The following CAMKMT variants were observed in gnomAD, a reference collection of about 807,000 sequenced individuals.
The protein encoded by CAMKMT is CaM KMT.
CAMKMT carries 53 observed loss-of-function variants against 48.0 expected under a neutral mutation model. That is an observed-to-expected ratio of 1.10 (90% CI 0.89 to 1.39). The LOEUF (loss-of-function observed/expected upper bound fraction) is 1.39, where lower values mean the gene tolerates loss of function less well. Among genes scored for constraint, CAMKMT ranks in the 40% most tolerant of loss-of-function variants. CAMKMT has a pLI of 0.00. For synonymous variants in CAMKMT, 165 were observed against 152.3 expected (o/e 1.08, Z -0.61); for missense variants, 428 against 402.7 (o/e 1.06, Z -0.54).
chr2:44,549,724 C>T, intron 3 of CAMKMT: 1 of 520,924 alleles, frequency 1.9e-6, no homozygotes, highest in African/African-American at 2.0e-5. Context: ...AAGTCTCAGA[C>T]TTCAGTAAGT....
At chr2:44,735,767 G>T (rs371659587) in intron 7 of CAMKMT, among the ~76,000 whole-genome samples, 2 of 151,758 alleles carry the variant, frequency 1.3e-5, no homozygotes, top group African/African-American at 4.8e-5. Context: ...ACAAAAATTA[G>T]CCAGGCGTGG....
intron 3 of CAMKMT, among the ~76,000 whole-genome samples, chr2:44,584,760 A>T (rs1444936355): frequency 8.6e-5 from 13 of 151,892 alleles, no homozygotes; most frequent in African/African-American, 1.5e-4. Flanking sequence ...TGAAATAATT[A>T]AAAAAAATAG....
chr2:44,391,464 T>G (rs1485295378), intron 3 of CAMKMT, among the ~76,000 whole-genome samples: 3 of 152,158 alleles, frequency 2.0e-5, no homozygotes, highest in Non-Finnish European at 4.4e-5. Context: ...CACTTAGGTG[T>G]ATCTCATATT....
intron 6 of CAMKMT, among the ~76,000 whole-genome samples, chr2:44,714,002 C>T (rs140519926): frequency 2.0e-5 from 3 of 152,216 alleles, no homozygotes; most frequent in African/African-American, 7.2e-5. Context: ...TTTATGTAAA[C>T]CTGCCTTATT....
chr2:44,765,500 A>G (rs1680799987), intron 9 of CAMKMT, among the ~76,000 whole-genome samples: 1 of 151,040 alleles, frequency 6.6e-6, no homozygotes, highest in Admixed American at 6.6e-5. Flanking sequence ...TGAGAGTAAC[A>G]GAAGCATATA....
At chr2:44,547,241 T>C (rs1410402750) in intron 3 of CAMKMT, among the ~76,000 whole-genome samples, 1 of 152,200 alleles carries the variant, frequency 6.6e-6, no homozygotes, top group Admixed American at 6.5e-5. Context: ...AGCAGTCACT[T>C]GGAAATAAGC....
At chr2:44,605,297 G>A (rs1448486385) in intron 3 of CAMKMT, among the ~76,000 whole-genome samples, 2 of 152,138 alleles carry the variant, frequency 1.3e-5, no homozygotes, top group Non-Finnish European at 2.9e-5. Context: ...TAGCTCAACT[G>A]TGCTGCTGTT....
rs140569464 is a variant in CAMKMT at position 44,501,793 on chromosome 2, G to A, written c.376+111488G>A. Among the ~76,000 whole-genome samples the A allele has an allele frequency of 2.1e-4, 32 of 152,182 alleles. No homozygotes were observed. The East Asian group carries it at 6.2e-3, about 29-fold the overall frequency. On this transcript the variant is annotated intron_variant, in intron 3 of 10. Transcript: ENST00000378494. ...AGCAGGAGGCTGAGGCAGGAGTTTC[G>A]CTTGAGCCCAGGAGTTGGAGTTGAA...
At chr2:44,413,834 C>CAT (rs1392180863) in intron 3 of CAMKMT, among the ~76,000 whole-genome samples, 1 of 152,094 alleles carries the variant, frequency 6.6e-6, no homozygotes, top group Non-Finnish European at 1.5e-5. Context: ...TTGGAACTAC[C>CAT]ATACTGTTCC....
At chr2:44,722,162 C>T (rs571473456) in intron 7 of CAMKMT, among the ~76,000 whole-genome samples, 182 of 128,956 alleles carry the variant, frequency 1.4e-3, no homozygotes, top group African/African-American at 5.0e-3. Flanking sequence ...TGAGATGTTT[C>T]CTTTTTCTTT....
chr2:44,463,031 C>T (rs1037258324), intron 3 of CAMKMT, among the ~76,000 whole-genome samples: 1 of 152,186 alleles, frequency 6.6e-6, no homozygotes, highest in South Asian at 2.1e-4. Context: ...AAAGCTACTT[C>T]ATAGGGAGAG....
chr2:44,432,201 A>G, intron 3 of CAMKMT, among the ~76,000 whole-genome samples: 1 of 152,204 alleles, frequency 6.6e-6, no homozygotes, highest in East Asian at 1.9e-4. Flanking sequence ...GTCATAGACA[A>G]AAGGGAGAGA....
intron 3 of CAMKMT, among the ~76,000 whole-genome samples, chr2:44,634,617 A>T (rs1673015515): frequency 6.6e-6 from 1 of 152,072 alleles, no homozygotes; most frequent in South Asian, 2.1e-4. Context: ...GATACAAAGG[A>T]ATAACTCTTT....
intron 3 of CAMKMT, among the ~76,000 whole-genome samples, chr2:44,632,681 A>G (rs1293379465): frequency 6.6e-6 from 1 of 152,146 alleles, no homozygotes. Context: ...GCCAAAGGAG[A>G]TTACCATTTG....
At chr2:44,363,893 G>C (rs771161493) in intron 1 of CAMKMT, among the ~76,000 whole-genome samples, 1 of 151,514 alleles carries the variant, frequency 6.6e-6, no homozygotes, top group Non-Finnish European at 1.5e-5. Flanking sequence ...GTTTCGCCAT[G>C]TTGGCCAGGC....
chr2:44,623,518 G>A (rs983490473), intron 3 of CAMKMT, among the ~76,000 whole-genome samples: 2 of 152,024 alleles, frequency 1.3e-5, no homozygotes, highest in African/African-American at 2.4e-5. Context: ...TGATAGCTAG[G>A]GGGCCAGTTT....
chr2:44,679,926 C>T (rs1313055095), intron 3 of CAMKMT, among the ~76,000 whole-genome samples: 1 of 152,188 alleles, frequency 6.6e-6, no homozygotes, highest in Non-Finnish European at 1.5e-5. Flanking sequence ...GAATGTCAAG[C>T]ACTTCTAAAA....
At chr2:44,602,383 T>C in intron 3 of CAMKMT, among the ~76,000 whole-genome samples, 1 of 152,082 alleles carries the variant, frequency 6.6e-6, no homozygotes, top group East Asian at 1.9e-4. Flanking sequence ...TGCACCATAA[T>C]TTACTCAACC....
At chr2:44,465,263 C>T (rs1466308131) in intron 3 of CAMKMT, among the ~76,000 whole-genome samples, 1 of 151,244 alleles carries the variant, frequency 6.6e-6, no homozygotes, top group Non-Finnish European at 1.5e-5. Flanking sequence ...AGAAGCTGCA[C>T]AAAAAAAATG....
Sources: allele counts gnomAD v4.1 joint callset (sites outside exome capture counted in the v4.1 genomes callset), GRCh38; gene constraint gnomAD v4.1.1; transcripts MANE v1.5; gene names NCBI Gene and HGNC (gene_info 2026-07-23, HGNC 2026-07-21).